Variants in TUSC3 observed in about 807,000 individuals in gnomAD.
TUSC3 encodes dolichyl-diphosphooligosaccharide--protein glycosyltransferase subunit TUSC3.
A neutral mutation model predicts 44.8 loss-of-function variants in TUSC3; 45 were observed. The observed-to-expected ratio is 1.00, with a 90% confidence interval of 0.79 to 1.29. TUSC3 has a LOEUF of 1.29. Among genes scored for constraint, TUSC3 ranks in the 50% most tolerant of loss-of-function variants. The probability of loss-of-function intolerance (pLI) is 0.00; values close to 1 mark genes in which losing one functional copy is unlikely to be tolerated. For synonymous variants in TUSC3, 212 were observed against 152.9 expected (o/e 1.39, Z -2.85); for missense variants, 519 against 437.9 (o/e 1.19, Z -1.65).
downstream of TUSC3, among the ~76,000 whole-genome samples, chr8:15,767,018 GTCT>G (rs1468689755): frequency 2.6e-5 from 4 of 151,978 alleles, no homozygotes; most frequent in Non-Finnish European, 5.9e-5. Flanking sequence ...GTAAAACAAG[GTCT>G]TCTTCATACT....
chr8:15,723,925 GA>G (rs1160001093), intron 6 of TUSC3, among the ~76,000 whole-genome samples: 1 of 152,112 alleles, frequency 6.6e-6, no homozygotes, highest in Non-Finnish European at 1.5e-5. Context: ...TATTCACTTA[GA>G]ATTACTGAGA....
intron 7 of TUSC3, among the ~76,000 whole-genome samples, chr8:15,739,871 T>A (rs1211082701): frequency 6.6e-6 from 1 of 152,146 alleles, no homozygotes; most frequent in Admixed American, 6.6e-5. Context: ...CTCTTTAGTT[T>A]TGTGACTTTG....
rs772712798 is a variant in TUSC3 at position 15,617,139 on chromosome 8, T to TGTGTGTGTGTGTGTGTGTGTG, written c.139-5941_139-5940insGTGTGTGTGTGTGTGTGTGTG. 3.5e-4 allele frequency among the ~76,000 whole-genome samples: 21 copies of TGTGTGTGTGTGTGTGTGTGTG among 60,180 alleles called. 1 individual carries two copies. Among genetic ancestry groups the TGTGTGTGTGTGTGTGTGTGTG allele is most frequent in the African/African-American group, 1.2e-3 (21 of 16,984 alleles). The allele number at this position is 60,180 out of a possible 152,430, so 39.5% of individuals were successfully genotyped here. A position where few individuals can be genotyped will look rare whatever the true frequency, so the allele number is the denominator to read the frequency against. The stretch of plus-strand genomic sequence containing the variant: ...TGTAAAATGTGTGTGTGTGTATATA[T>TGTGTGTGTGTGTGTGTGTGTG]TTTTTTTTTTTTTTTTTTGAGACAG... On this transcript the variant is annotated intron_variant, in intron 1 of 10. Coordinates refer to ENST00000503731, the MANE Select transcript of TUSC3 (RefSeq NM_006765.4).
intron 1 of TUSC3, among the ~76,000 whole-genome samples, chr8:15,598,359 T>G (rs1345420811): frequency 6.6e-6 from 1 of 151,524 alleles, no homozygotes; most frequent in African/African-American, 2.4e-5. Context: ...AAGTACAGAG[T>G]TTTTTAATAT....
At chr8:15,851,177 G>C in the TUSC3 span, among the ~76,000 whole-genome samples, 3 of 152,124 alleles carry the variant, frequency 2.0e-5, no homozygotes, top group Non-Finnish European at 2.9e-5. Flanking sequence ...CTTTTGACTT[G>C]TCTAGTTTGA....
chr8:15,528,934 C>A, intron 2 of TUSC3, among the ~76,000 whole-genome samples: 1 of 152,110 alleles, frequency 6.6e-6, no homozygotes. Flanking sequence ...CAATAATGAC[C>A]TTTACCTTAC....
intron 6 of TUSC3, among the ~76,000 whole-genome samples, chr8:15,703,254 G>C (rs1295592686): frequency 6.6e-6 from 1 of 152,072 alleles, no homozygotes; most frequent in Non-Finnish European, 1.5e-5. Context: ...TGTAACTTGA[G>C]CCTAATTAAT....
rs144700596 is a variant in TUSC3, at chr8:15,604,136, C to T, written c.139-18944C>T. ...AAACAAAAGTTTGAATTAAAAGTTT[C>T]AGTATGATATTGAGATAGAGTATTA... is the stretch of plus-strand genomic sequence containing the variant. On this transcript the variant is annotated intron_variant, in intron 1 of 10. Transcript: ENST00000503731. 3.0e-3 allele frequency among the ~76,000 whole-genome samples: 455 copies of T among 151,644 alleles called. 2 individuals carry two copies. Among genetic ancestry groups the T allele is most frequent in the African/African-American group, 0.011 (443 of 41,446 alleles).
intron 6 of TUSC3, among the ~76,000 whole-genome samples, chr8:15,682,101 G>C (rs972301981): frequency 2.0e-5 from 3 of 152,120 alleles, no homozygotes; most frequent in African/African-American, 7.2e-5. Flanking sequence ...TGATCTTCGA[G>C]TATGTTTCAT....
chr8:15,627,956 A>T (rs1447887885), intron 2 of TUSC3, among the ~76,000 whole-genome samples: 1 of 152,188 alleles, frequency 6.6e-6, no homozygotes, highest in Non-Finnish European at 1.5e-5. Context: ...CAAAGGTGCC[A>T]CTGGCCACAG....
At chr8:15,475,030 T>C (rs1228120004) in intron 1 of TUSC3, among the ~76,000 whole-genome samples, 2 of 152,196 alleles carry the variant, frequency 1.3e-5, no homozygotes, top group East Asian at 1.9e-4. Context: ...GTTTTGACGA[T>C]GGCCAATTGC....
chr8:15,753,652 C>T (rs1293617462), intron 9 of TUSC3, among the ~76,000 whole-genome samples: 2 of 151,982 alleles, frequency 1.3e-5, no homozygotes, highest in Non-Finnish European at 1.5e-5. Flanking sequence ...TAGTTTCCTT[C>T]TTAAATAAGC....
chr8:15,644,378 C>A (rs994038493), intron 2 of TUSC3, among the ~76,000 whole-genome samples: 2 of 152,150 alleles, frequency 1.3e-5, no homozygotes, highest in African/African-American at 4.8e-5. Flanking sequence ...TGAACTACTA[C>A]AACAAAATAT....
chr8:15,503,825 A>C (rs1377424166), intron 2 of TUSC3, among the ~76,000 whole-genome samples: 1 of 152,070 alleles, frequency 6.6e-6, no homozygotes, highest in Non-Finnish European at 1.5e-5. Context: ...CAGCATGGCA[A>C]AACCCATCTC....
intron 2 of TUSC3, among the ~76,000 whole-genome samples, chr8:15,523,888 T>A (rs992180007): frequency 1.3e-5 from 2 of 151,330 alleles, no homozygotes; most frequent in Non-Finnish European, 2.9e-5. Flanking sequence ...AAACCCCGTG[T>A]CTACTAGCAA....
the TUSC3 span, among the ~76,000 whole-genome samples, chr8:15,816,740 G>A: frequency 6.6e-6 from 1 of 151,998 alleles, no homozygotes; most frequent in African/African-American, 2.4e-5. Flanking sequence ...TAACCAAACA[G>A]CCCTCACAGA....
At chr8:15,451,751 C>T (rs1002481354) in intron 1 of TUSC3, among the ~76,000 whole-genome samples, 5 of 152,112 alleles carry the variant, frequency 3.3e-5, no homozygotes, top group Non-Finnish European at 7.3e-5. Context: ...TATTGTGTGA[C>T]TGAGTCCTTC....
intron 2 of TUSC3, among the ~76,000 whole-genome samples, chr8:15,512,872 G>GTGTATA (rs761482107): frequency 2.3e-4 from 31 of 132,284 alleles, no homozygotes; most frequent in African/African-American, 9.3e-4. Context: ...ATATGTGTGT[G>GTGTATA]TATATATATA....
chr8:15,417,557 A>G (rs577454130), intron 1 of TUSC3, among the ~76,000 whole-genome samples: 60 of 152,236 alleles, frequency 3.9e-4, no homozygotes, highest in Non-Finnish European at 7.1e-4. Context: ...ACGGCAAGTC[A>G]CTGAAGGCTT....
Sources: gnomAD v4.1 joint callset for allele counts (sites outside exome capture counted in the v4.1 genomes callset) on GRCh38, gnomAD v4.1.1 for gene constraint, MANE v1.5 for transcripts, NCBI Gene and HGNC (gene_info 2026-07-23, HGNC 2026-07-21) for gene names.